The following ADARB2 variants were observed in gnomAD, a reference collection of about 807,000 sequenced individuals.
The protein encoded by ADARB2 is inactive double-stranded RNA-specific editase B2.
Under a neutral mutation model 62.2 loss-of-function variants are expected in ADARB2, and 25 were observed. The observed-to-expected ratio is 0.40, with a 90% CI of 0.29 to 0.56. ADARB2 has a LOEUF of 0.56. Among genes scored for constraint, ADARB2 ranks in the 20% least tolerant of loss-of-function variants. The pLI is 0.43. For synonymous variants in ADARB2, 572 were observed against 500.8 expected, an observed-to-expected ratio of 1.14 and a Z score of -1.90; for missense variants, 1,071 against 1,077.4, an observed-to-expected ratio of 0.99 and a Z score of 0.08.
At chr10:1,348,116 G>C (rs548569881) in intron 3 of ADARB2, among the ~76,000 whole-genome samples, 1 of 152,276 alleles carries the variant, frequency 6.6e-6, no homozygotes, top group East Asian at 1.9e-4. Flanking sequence ...GGGCTATCTC[G>C]GTCCTGTGGT....
intron 3 of ADARB2, among the ~76,000 whole-genome samples, chr10:1,318,745 C>T (rs1454217199): frequency 1.3e-5 from 2 of 152,162 alleles, no homozygotes; most frequent in Non-Finnish European, 2.9e-5. Flanking sequence ...GAAGGAATAT[C>T]GGGGAGTGTG....
At chr10:1,429,618 C>T (rs1472297971) in intron 1 of ADARB2, among the ~76,000 whole-genome samples, 2 of 152,140 alleles carry the variant, frequency 1.3e-5, no homozygotes, top group Admixed American at 6.5e-5. Flanking sequence ...GAGCTCTAGG[C>T]CTTGCAAGAA....
In ADARB2 at chr10:1,271,997, G is replaced by A. The variant is rs189973973; in HGVS notation, c.1078-928C>T. Among the ~76,000 whole-genome samples the A allele has an allele frequency of 1.6e-3, 245 of 152,308 alleles. 2 individuals carry two copies. The highest frequency in any genetic ancestry group is 4.8e-3 in the African/African-American group (198 of 41,560). ...TTCATTTCCACCTTATGGTGTTTTCGTAAGGATTAAATGCAATACGGTGTC... is the reference window on the plus strand; with the variant it reads ...TTCATTTCCACCTTATGGTGTTTTCATAAGGATTAAATGCAATACGGTGTC... On this transcript the variant is annotated intron_variant, in intron 3 of 9. Transcript: ENST00000381312.
At chr10:1,456,151 T>C (rs866420479) in intron 1 of ADARB2, among the ~76,000 whole-genome samples, 1 of 152,326 alleles carries the variant, frequency 6.6e-6, no homozygotes, top group Middle Eastern at 3.4e-3. Context: ...TTATCTAGTT[T>C]CACCTAGGGA....
chr10:1,595,255 TAAATTCA>T (rs1833317140), intron 1 of ADARB2, among the ~76,000 whole-genome samples: 1 of 152,202 alleles, frequency 6.6e-6, no homozygotes, highest in Non-Finnish European at 1.5e-5. Flanking sequence ...AGATGATGAT[TAAATTCA>T]AGAAATGCGC....
intron 1 of ADARB2, among the ~76,000 whole-genome samples, chr10:1,380,143 C>T (rs2131860553): frequency 6.6e-6 from 1 of 152,282 alleles, no homozygotes; most frequent in East Asian, 1.9e-4. Context: ...CACAGGGATC[C>T]CCTGGCTCCC....
At chr10:1,445,850 T>A (rs767009941) in intron 1 of ADARB2, among the ~76,000 whole-genome samples, 1 of 152,330 alleles carries the variant, frequency 6.6e-6, no homozygotes, top group Middle Eastern at 3.4e-3. Context: ...ATACGGTTGA[T>A]GATTTGGATA....
At chr10:1,672,494 C>A (rs956782535) in intron 1 of ADARB2, among the ~76,000 whole-genome samples, 3 of 152,194 alleles carry the variant, frequency 2.0e-5, no homozygotes, top group African/African-American at 7.2e-5. Flanking sequence ...CTGACGGATG[C>A]CGCCTCCAGG....
At chr10:1,454,695 C>T (rs1047229719) in intron 1 of ADARB2, among the ~76,000 whole-genome samples, 3 of 151,792 alleles carry the variant, frequency 2.0e-5, no homozygotes, top group Admixed American at 6.6e-5. Context: ...CTTAATGTTT[C>T]GTGGAGACAG....
chr10:1,275,895 CCA>C (rs1384302527), intron 3 of ADARB2, among the ~76,000 whole-genome samples: 8 of 152,122 alleles, frequency 5.3e-5, no homozygotes, highest in Non-Finnish European at 8.8e-5. Flanking sequence ...TTTTCTTAAT[CCA>C]GTCTATCATT....
At chr10:1,508,997 G>A (rs922738999) in intron 1 of ADARB2, among the ~76,000 whole-genome samples, 4 of 152,156 alleles carry the variant, frequency 2.6e-5, no homozygotes, top group Admixed American at 2.0e-4. Flanking sequence ...GGAGCTAAGC[G>A]AGGAGTTTGG....
intron 3 of ADARB2, among the ~76,000 whole-genome samples, chr10:1,340,165 C>A (rs1368940154): frequency 6.7e-6 from 1 of 149,284 alleles, no homozygotes; most frequent in Non-Finnish European, 1.5e-5. Flanking sequence ...CACCAGAGAA[C>A]CACACACCCC....
chr10:1,248,957 A>G (rs1409038466), intron 4 of ADARB2, among the ~76,000 whole-genome samples: 1 of 152,164 alleles, frequency 6.6e-6, no homozygotes, highest in Non-Finnish European at 1.5e-5. Flanking sequence ...AAGACAAGAG[A>G]AGCCTTCGGG....
intron 1 of ADARB2, among the ~76,000 whole-genome samples, chr10:1,421,644 C>T (rs187093605): frequency 9.6e-4 from 146 of 152,234 alleles, no homozygotes; most frequent in Non-Finnish European, 1.7e-3. Flanking sequence ...TTAAGACTCA[C>T]GATGCTCAGA....
chr10:1,587,132 G>A (rs1276391065), intron 1 of ADARB2, among the ~76,000 whole-genome samples: 1 of 152,084 alleles, frequency 6.6e-6, no homozygotes, highest in East Asian at 1.9e-4. Context: ...CTTTACCAAA[G>A]GTGCTTATCT....
Position 1,737,215 on chromosome 10 carries a change from G to GGCA in ADARB2, c.-68_-66dup. 6.5e-7 allele frequency: 1 copy of GGCA among 1,536,846 alleles called. No homozygotes were observed. Among genetic ancestry groups the GGCA allele is most frequent in the Non-Finnish European group, 8.9e-7 (1 of 1,126,804 alleles). On this transcript the variant is annotated 5_prime_UTR_variant, in exon 1 of 10. Coordinates refer to ENST00000381312, the MANE Select transcript of ADARB2 (RefSeq NM_018702.4). Reference sequence around the variant, plus strand: ...CTGCACCTGCACCTGCCTCCTTCCCGGCAGCCGCCGCCGCCGCTGCTGCGA... The same window carrying GGCA: ...CTGCACCTGCACCTGCCTCCTTCCCGGCAGCAGCCGCCGCCGCCGCTGCTGCGA...
intron 6 of ADARB2, among the ~76,000 whole-genome samples, chr10:1,228,708 C>A (rs193107863): frequency 6.6e-6 from 1 of 152,324 alleles, no homozygotes; most frequent in Admixed American, 6.5e-5. Context: ...GTCTCTGTCG[C>A]GAAAGCAGCT....
At chr10:1,566,103 A>T (rs4880872) in intron 1 of ADARB2, among the ~76,000 whole-genome samples, 1 of 129,612 alleles carries the variant, frequency 7.7e-6, no homozygotes, top group African/African-American at 2.9e-5. Flanking sequence ...AAAAAAAAAA[A>T]AAAAAAACTC....
intron 1 of ADARB2, among the ~76,000 whole-genome samples, chr10:1,465,249 T>G (rs1588268284): frequency 6.6e-6 from 1 of 151,836 alleles, no homozygotes. Context: ...CCACAGAGGG[T>G]GCGAGAGGGT....
Sources: gnomAD v4.1 joint callset for allele counts (sites outside exome capture counted in the v4.1 genomes callset) on GRCh38, gnomAD v4.1.1 for gene constraint, MANE v1.5 for transcripts, NCBI Gene and HGNC (gene_info 2026-07-23, HGNC 2026-07-21) for gene names.